The following SLC23A2 variants were observed in gnomAD, a reference collection of about 807,000 sequenced individuals.
The protein encoded by SLC23A2 is solute carrier family 23 member 2.
A neutral mutation model predicts 73.3 loss-of-function variants in SLC23A2; 36 were observed. That is an observed-to-expected ratio of 0.49 (90% CI 0.38 to 0.65). The LOEUF is 0.65. Among genes scored for constraint, SLC23A2 ranks in the 30% least tolerant of loss-of-function variants. The pLI is 0.00. For synonymous variants in SLC23A2, 343 were observed against 327.3 expected (o/e 1.05, Z -0.52); for missense variants, 507 against 841.6 (o/e 0.60, Z 4.92).
At chr20:4,993,385 G>A (rs1234490476) in intron 1 of SLC23A2, among the ~76,000 whole-genome samples, 3 of 139,282 alleles carry the variant, frequency 2.2e-5, no homozygotes, top group Non-Finnish European at 4.6e-5. Flanking sequence ...CAACTGGTAA[G>A]TATAGTGCAA....
chr20:4,860,697 C>T (rs941084587), intron 15 of SLC23A2, among the ~76,000 whole-genome samples: 2 of 152,128 alleles, frequency 1.3e-5, no homozygotes, highest in African/African-American at 2.4e-5. Context: ...ATGGATGAAT[C>T]GATAAACAAT....
At chr20:4,864,674 A>G (rs546606441) in intron 13 of SLC23A2, among the ~76,000 whole-genome samples, 3 of 152,340 alleles carry the variant, frequency 2.0e-5, no homozygotes, top group Non-Finnish European at 2.9e-5. Context: ...ATAAGTCACA[A>G]GCTTGATCAA....
intron 2 of SLC23A2, among the ~76,000 whole-genome samples, chr20:4,940,899 T>C (rs2122961386): frequency 6.6e-6 from 1 of 152,334 alleles, no homozygotes; most frequent in South Asian, 2.1e-4. Flanking sequence ...CTCACGCCTG[T>C]AATCCCAGCA....
intron 2 of SLC23A2, among the ~76,000 whole-genome samples, chr20:4,964,274 C>T (rs1449053581): frequency 2.0e-5 from 3 of 152,064 alleles, no homozygotes; most frequent in Non-Finnish European, 4.4e-5. Context: ...GGATTATAGG[C>T]GTGAACCACT....
At chr20:4,975,401 G>A (rs1472239351) in intron 1 of SLC23A2, among the ~76,000 whole-genome samples, 1 of 152,094 alleles carries the variant, frequency 6.6e-6, no homozygotes, top group South Asian at 2.1e-4. Flanking sequence ...TATTTTTTGA[G>A]ACAGAGTTTC....
At chr20:4,944,077 T>C (rs757496864) in intron 2 of SLC23A2, among the ~76,000 whole-genome samples, 4 of 152,238 alleles carry the variant, frequency 2.6e-5, no homozygotes, top group Non-Finnish European at 5.9e-5. Flanking sequence ...GGTGGCTCCA[T>C]TTGGATGTAT....
intron 6 of SLC23A2, among the ~76,000 whole-genome samples, chr20:4,888,383 T>C (rs544233417): frequency 1.3e-5 from 2 of 152,322 alleles, no homozygotes; most frequent in African/African-American, 4.8e-5. Context: ...TTCTGACCTG[T>C]CTACAGGGAA....
At chr20:4,984,613 T>G (rs549337561) in intron 1 of SLC23A2, among the ~76,000 whole-genome samples, 7 of 149,574 alleles carry the variant, frequency 4.7e-5, no homozygotes, top group African/African-American at 1.5e-4. Flanking sequence ...AGAATTTGAA[T>G]AGACATCACT....
rs191234709 is a variant in SLC23A2 at position 4,969,933 on chromosome 20, A to G, written c.-155+860T>C. Among the ~76,000 whole-genome samples the G allele has an allele frequency of 8.4e-4, 128 of 152,324 alleles. No individual in the cohort carries two copies. In the Middle Eastern group the frequency reaches 0.034, roughly 40 times the overall value. On this transcript the variant is annotated intron_variant, in intron 2 of 16. Coordinates refer to ENST00000338244, the MANE Select transcript of SLC23A2 (RefSeq NM_005116.6). ...ATTGCTTATAATAGCAAAAAATTAA[A>G]AATAATCAAAATGTTCATCAAGCTT...
chr20:4,870,150 C>A (rs1600084500), intron 11 of SLC23A2, 97 bp from the exon 12 acceptor site: 1 of 1,007,882 alleles, frequency 9.9e-7, no homozygotes, highest in East Asian at 2.5e-5. Flanking sequence ...CAAGACTCTA[C>A]AAGATCCACT....
intron 9 of SLC23A2, among the ~76,000 whole-genome samples, chr20:4,882,107 T>A (rs1291309351): frequency 6.6e-6 from 1 of 152,178 alleles, no homozygotes; most frequent in East Asian, 1.9e-4. Context: ...CTGGGCACGG[T>A]GGCTCATGCC....
chr20:4,868,039 A>AC lies in SLC23A2; in HGVS notation c.1251-165dup, dbSNP rs1783569741. Reference sequence around the variant, plus strand: ...GATTAAAAATACAATCTCAGACCCCACCCCAGACCTGCTGAAGCAGAAAAG... The same window carrying AC: ...GATTAAAAATACAATCTCAGACCCCACCCCCAGACCTGCTGAAGCAGAAAAG... On this transcript the variant is annotated intron_variant, in intron 12 of 16. Coordinates refer to ENST00000338244, the MANE Select transcript of SLC23A2 (RefSeq NM_005116.6). The surrounding 1 kb of genome is among the most constrained non-coding windows in gnomAD (Gnocchi z 4.4). Among the ~76,000 whole-genome samples, 1 of 130,304 alleles carries AC rather than the reference A, an allele frequency of 7.7e-6. No individual in the cohort carries two copies. The highest frequency in any genetic ancestry group is 8.1e-5 in the Admixed American group (1 of 12,276). The allele number at this position is 130,304 out of a possible 152,430, so 85.5% of individuals were successfully genotyped here.
At chr20:4,951,401 G>C (rs957683443) in intron 2 of SLC23A2, among the ~76,000 whole-genome samples, 3 of 152,118 alleles carry the variant, frequency 2.0e-5, no homozygotes, top group Non-Finnish European at 4.4e-5. Context: ...GAAACTCTGA[G>C]AGACAAGGAA....
chr20:4,895,486 A>T (rs1931485018), intron 6 of SLC23A2, among the ~76,000 whole-genome samples: 1 of 152,246 alleles, frequency 6.6e-6, no homozygotes, highest in Non-Finnish European at 1.5e-5. Context: ...TTTCATATGC[A>T]AAAACTCCCA....
chr20:4,956,293 C>T (rs953599032), intron 2 of SLC23A2, among the ~76,000 whole-genome samples: 2 of 152,048 alleles, frequency 1.3e-5, no homozygotes, highest in African/African-American at 4.8e-5. Flanking sequence ...AGTAAAACAA[C>T]AAAAGAGATT....
chr20:4,896,789 C>T (rs1458256709), intron 6 of SLC23A2, among the ~76,000 whole-genome samples: 1 of 152,228 alleles, frequency 6.6e-6, no homozygotes, highest in Non-Finnish European at 1.5e-5. Flanking sequence ...CAAGGCACAG[C>T]CCCGGGGGCG....
rs1315087852 is a variant in SLC23A2, at chr20:4,951,961, G to A, written c.-155+18832C>T. Among the ~76,000 whole-genome samples the A allele has an allele frequency of 2.0e-5, 3 of 151,774 alleles. No homozygotes were observed. In the East Asian group the frequency reaches 5.8e-4, roughly 29 times the overall value. On this transcript the variant is annotated intron_variant, in intron 2 of 16. Transcript: ENST00000338244. ...CTACTAAACATACAAAAATTAGCTG[G>A]GTGTGATGGCACGTGCCTGTAATCC...
chr20:5,007,098 T>C (rs1422620908), intron 1 of SLC23A2, among the ~76,000 whole-genome samples: 3 of 152,098 alleles, frequency 2.0e-5, no homozygotes, highest in African/African-American at 4.8e-5. Flanking sequence ...ATCTATGAGA[T>C]AGGCACCGTA....
intron 2 of SLC23A2, among the ~76,000 whole-genome samples, chr20:4,938,123 C>T (rs2086988796): frequency 6.6e-6 from 1 of 151,642 alleles, no homozygotes; most frequent in South Asian, 2.1e-4. Context: ...CTTGACTTCC[C>T]AGGCTCAGGT....
Sources: allele counts gnomAD v4.1 joint callset (sites outside exome capture counted in the v4.1 genomes callset), GRCh38; gene constraint gnomAD v4.1.1; non-coding constraint Gnocchi (gnomAD v3.1); transcripts MANE v1.5; gene names NCBI Gene and HGNC (gene_info 2026-07-23, HGNC 2026-07-21).